Variants in PTPRB observed in about 807,000 individuals in gnomAD.
PTPRB encodes the protein protein tyrosine phosphatase receptor type B.
In PTPRB, 97 loss-of-function variants were observed where a neutral mutation model predicts 238.1. The ratio of observed to expected loss-of-function variants is 0.41; its 90% CI spans 0.35 to 0.48. The LOEUF is 0.48. PTPRB is among the 20% of genes least tolerant of loss of function. The pLI, the probability that PTPRB is intolerant of heterozygous loss-of-function variation, is 0.30. For missense variants in PTPRB, 2,292 were observed against 2,681.9 expected (o/e 0.85, Z 3.21); for synonymous variants, 970 against 995.4 (o/e 0.97, Z 0.48).
intron 3 of PTPRB, chr12:70,609,981 G>T (rs891696315): frequency 6.8e-6 from 3 of 443,502 alleles, no homozygotes; most frequent in Non-Finnish European, 1.1e-5. Context: ...CACCGCTGCT[G>T]CTGCTGCTCC....
chr12:70,631,475 C>T (rs901008074), intron 2 of PTPRB, among the ~76,000 whole-genome samples: 4 of 152,034 alleles, frequency 2.6e-5, no homozygotes, highest in South Asian at 2.1e-4. Context: ...CCATAAAAAC[C>T]CTAGAAGAAA....
At chr12:70,619,763 T>C (rs182630216) in intron 3 of PTPRB, among the ~76,000 whole-genome samples, 2 of 152,336 alleles carry the variant, frequency 1.3e-5, no homozygotes, top group Non-Finnish European at 2.9e-5. Context: ...AATGGACACA[T>C]AGAGATTTTA....
At chr12:70,601,790 C>CTTTT (rs200227553) in intron 4 of PTPRB, among the ~76,000 whole-genome samples, 3 of 127,536 alleles carry the variant, frequency 2.4e-5, no homozygotes, top group Non-Finnish European at 3.3e-5. Flanking sequence ...TTTCTTTTTT[C>CTTTT]TTTTTTTTTT....
intron 3 of PTPRB, among the ~76,000 whole-genome samples, chr12:70,614,427 G>T (rs1376008527): frequency 6.6e-6 from 1 of 151,916 alleles, no homozygotes; most frequent in Non-Finnish European, 1.5e-5. Flanking sequence ...TATTACTTAA[G>T]TGAATTGGTG....
At chr12:70,554,892 ATGGTTAT>A (rs918045381) in intron 20 of PTPRB, among the ~76,000 whole-genome samples, 9 of 152,316 alleles carry the variant, frequency 5.9e-5, no homozygotes, top group African/African-American at 1.9e-4. Context: ...TCAATAAATG[ATGGTTAT>A]TGTTATTATC....
intron 20 of PTPRB, 104 bp from the exon 21 acceptor site, chr12:70,553,124 T>G: frequency 2.3e-5 from 31 of 1,326,006 alleles, no homozygotes; most frequent in South Asian, 4.3e-5. Flanking sequence ...CCACTATCTC[T>G]GGCCATTTCC....
At chr12:70,524,673 G>C in intron 32 of PTPRB, 82 bp from the exon 33 acceptor site, 1 of 1,417,854 alleles carries the variant, frequency 7.1e-7, no homozygotes, top group Non-Finnish European at 9.4e-7. Context: ...TGTTGACAAT[G>C]ATGGGATTAT....
At position 70,520,249 on chromosome 12, in the gene PTPRB, G is replaced by A. The variant is rs1209959402; in HGVS notation, c.*1240C>T. 2.1e-6 allele frequency: 1 copy of A among 467,426 alleles called. No individual in the cohort carries two copies. The highest frequency in any genetic ancestry group is 6.2e-5 in the East Asian group (1 of 16,110). The allele number at this position is 467,426 out of a possible 1,614,324, so 29.0% of individuals were successfully genotyped here. ...TGAAGGAAATACTTTCTGACTCATT[G>A]GAATTTGTTATAGTCAAAGTAAGTA... On this transcript the variant is annotated 3_prime_UTR_variant, in exon 34 of 34. Transcript: ENST00000334414.
Position 70,519,414 on chromosome 12 carries a change from C to T in PTPRB, c.*2075G>A, listed in dbSNP as rs1871441672. The T allele has an allele frequency of 6.6e-6, 1 of 152,226 alleles. No individual in the cohort carries two copies. The highest frequency in any genetic ancestry group is 2.4e-5 in the African/African-American group (1 of 41,544). 9.4% of individuals were successfully genotyped at this position (152,226 alleles called of 1,614,324 possible). A position where few individuals can be genotyped will look rare whatever the true frequency, so the allele number is the denominator to read the frequency against. ...TCCCTTGATGAGGCTGTCTTTTAAG[C>T]TCAATTGAAGGTAGTAACAACAATC... On this transcript the variant is annotated 3_prime_UTR_variant, in exon 34 of 34. Transcript: ENST00000334414.
At chr12:70,524,690 A>G in intron 32 of PTPRB, 99 bp from the exon 33 acceptor site, 1 of 1,284,102 alleles carries the variant, frequency 7.8e-7, no homozygotes. Context: ...TTATATAGTT[A>G]GCAAATTTCT....
chr12:70,551,440 C>G (rs1168903680), intron 21 of PTPRB, among the ~76,000 whole-genome samples: 1 of 152,200 alleles, frequency 6.6e-6, no homozygotes, highest in East Asian at 1.9e-4. Context: ...AAAATGAGTG[C>G]TTTGTTTTAG....
intron 2 of PTPRB, among the ~76,000 whole-genome samples, chr12:70,629,710 AAAG>A (rs1174988049): frequency 1.3e-5 from 2 of 152,170 alleles, no homozygotes; most frequent in Non-Finnish European, 2.9e-5. Flanking sequence ...CAAGACTAAT[AAAG>A]AAGAAAACAG....
intron 2 of PTPRB, among the ~76,000 whole-genome samples, chr12:70,631,841 A>T (rs978984262): frequency 6.6e-6 from 1 of 152,242 alleles, no homozygotes; most frequent in Non-Finnish European, 1.5e-5. Flanking sequence ...GCTTATCATC[A>T]CTGGTCATCA....
chr12:70,556,422 G>A (rs1877693927), intron 18 of PTPRB, among the ~76,000 whole-genome samples: 1 of 152,124 alleles, frequency 6.6e-6, no homozygotes, highest in Non-Finnish European at 1.5e-5. Context: ...CGTGGCTGAG[G>A]ACAGTCTCTG....
At position 70,625,247 on chromosome 12, in the gene PTPRB, A is replaced by C. The variant is rs188526416; in HGVS notation, c.452-2601T>G. ...AACATTCAACTTCCAAGTTTTGTCA[A>C]ATTTAAAGCAGTGGTTTGCAAACTT... On this transcript the variant is annotated intron_variant, in intron 2 of 33. Coordinates refer to ENST00000334414, the MANE Select transcript of PTPRB (RefSeq NM_001109754.4). 1.4e-4 allele frequency among the ~76,000 whole-genome samples: 21 copies of C among 152,288 alleles called. 1 individual carries two copies. In the East Asian group the frequency reaches 3.9e-3, roughly 28 times the overall value.
chr12:70,576,087 T>G (rs2136397854), intron 11 of PTPRB, among the ~76,000 whole-genome samples: 1 of 152,246 alleles, frequency 6.6e-6, no homozygotes, highest in East Asian at 1.9e-4. Context: ...ACTACCTCAA[T>G]AAGGAGTTCA....
intron 3 of PTPRB, among the ~76,000 whole-genome samples, chr12:70,620,285 GGT>G (rs1460030831): frequency 6.6e-6 from 1 of 152,152 alleles, no homozygotes; most frequent in African/African-American, 2.4e-5. Context: ...CACAGTGCTG[GGT>G]TGGCCCACTG....
rs190743557 is a variant in PTPRB at position 70,607,744 on chromosome 12, G to A, written c.979+1325C>T. ...TTTGTTTTATTTTTAGTAGAGACGAGGTTTTGCCATGTTGACCAAGGTGGT... is the reference window on the plus strand; with the variant it reads ...TTTGTTTTATTTTTAGTAGAGACGAAGTTTTGCCATGTTGACCAAGGTGGT... On this transcript the variant is annotated intron_variant, in intron 4 of 33. Coordinates refer to ENST00000334414, the MANE Select transcript of PTPRB (RefSeq NM_001109754.4). 2.0e-5 allele frequency among the ~76,000 whole-genome samples: 3 copies of A among 151,812 alleles called. No individual in the cohort carries two copies. The East Asian group carries it at 5.8e-4, about 29-fold the overall frequency.
rs372617123 is a variant in PTPRB, at chr12:70,539,983, A to C, written c.5634T>G (p.Arg1878=). The C allele has an allele frequency of 1.1e-5, 18 of 1,611,826 alleles. No individual in the cohort carries two copies. In the African/African-American group the frequency reaches 2.4e-4, roughly 22 times the overall value. Residue 1878 remains arginine (R), a synonymous_variant, in exon 24 of 34, where the codon CGT becomes CGG. Coordinates refer to ENST00000334414, the MANE Select transcript of PTPRB (RefSeq NM_001109754.4). ...AGTGGACAGATAATGGTCGATCCCT[A>C]CGAATGCTCAGACGGGCAGAGGGTC... ...RERPSARLSI[R]RDRPLSVHLN...
Sources: gnomAD v4.1 joint callset for allele counts (sites outside exome capture counted in the v4.1 genomes callset) on GRCh38, gnomAD v4.1.1 for gene constraint, MANE v1.5 for transcripts, NCBI Gene and HGNC (gene_info 2026-07-23, HGNC 2026-07-21) for gene names.